EAPP: variants seen among roughly 807,000 people sequenced by gnomAD.
The protein encoded by EAPP is E2F associated phosphoprotein.
A neutral mutation model predicts 34.3 loss-of-function variants in EAPP; 38 were observed. The observed-to-expected ratio is 1.11, with a 90% confidence interval of 0.85 to 1.45. The LOEUF (loss-of-function observed/expected upper bound fraction) is 1.45, where lower values mean the gene tolerates loss of function less well. Ranked by LOEUF, EAPP falls within the 40% of genes most tolerant of loss-of-function variation. The pLI, the probability that EAPP is intolerant of heterozygous loss-of-function variation, is 0.00. For missense variants in EAPP, 338 were observed against 343.7 expected, an observed-to-expected ratio of 0.98 and a Z score of 0.13; for synonymous variants, 113 against 117.6, an observed-to-expected ratio of 0.96 and a Z score of 0.25.
In EAPP at chr14:34,538,210, T is replaced by A. The variant is rs1880538908; in HGVS notation, c.74+1345A>T. 2.0e-5 allele frequency among the ~76,000 whole-genome samples: 3 copies of A among 152,022 alleles called. No individual in the cohort carries two copies. The South Asian group carries it at 6.2e-4, about 32-fold the overall frequency. On this transcript the variant is annotated intron_variant, in intron 1 of 5. Transcript: ENST00000250454. Reference sequence around the variant, plus strand: ...CTGGCCAACGTGGTGAAAACCCATCTCTACGAAAAATACAAAAAATAAGCC... The same window carrying A: ...CTGGCCAACGTGGTGAAAACCCATCACTACGAAAAATACAAAAAATAAGCC...
At chr14:34,533,419 T>C in intron 3 of EAPP, 25 bp downstream of exon 3, 1 of 1,539,360 alleles carries the variant, frequency 6.5e-7, no homozygotes, top group Non-Finnish European at 9.0e-7. Context: ...ATATAACTGC[T>C]AAACCTGGTA....
chr14:34,536,151 C>G lies in EAPP; in HGVS notation c.199G>C (p.Ala67Pro). The change falls in exon 2 of 6, where the codon GCT (alanine) becomes CCT (proline). Residue 67 changes from alanine to proline, a missense_variant. Physicochemically the swap from Ala to Pro is conservative, Grantham distance 27. Coordinates refer to ENST00000250454, the MANE Select transcript of EAPP (RefSeq NM_018453.4). The stretch of plus-strand genomic sequence containing the variant: ...GTTTTCATGGTAGAATTTAATTCAG[C>G]TTCCATCTCCTTTTCAAATTCATCT... Reference protein sequence around the residue: ...SEDEFEKEMEAELNSTMKTME... With the variant: ...SEDEFEKEMEPELNSTMKTME... 8 of 1,612,812 alleles carry G rather than the reference C, an allele frequency of 5.0e-6. No individual in the cohort carries two copies. The highest frequency in any genetic ancestry group is 6.8e-6 in the Non-Finnish European group (8 of 1,179,610).
chr14:34,524,679 G>GTGTGTGTGTGTGTT lies in EAPP; in HGVS notation c.581+17_581+18insAACACACACACACA. 7.1e-7 allele frequency: 1 copy of GTGTGTGTGTGTGTT among 1,410,446 alleles called. No homozygotes were observed. Among genetic ancestry groups the GTGTGTGTGTGTGTT allele is most frequent in the Non-Finnish European group, 1.0e-6 (1 of 993,842 alleles). The allele number at this position is 1,410,446 out of a possible 1,614,324, so 87.4% of individuals were successfully genotyped here. On this transcript the variant is annotated intron_variant, in intron 5 of 5. Coordinates refer to ENST00000250454, the MANE Select transcript of EAPP (RefSeq NM_018453.4). ...TGTATGTGTGTGTGTGTGTGTGTGTGTGTCCTTCATCCATTACCTTTGGCA... is the reference window on the plus strand; with the variant it reads ...TGTATGTGTGTGTGTGTGTGTGTGTGTGTGTGTGTGTGTTTGTCCTTCATCCATTACCTTTGGCA...
At chr14:34,526,336 G>A (rs1880094739) in intron 4 of EAPP, among the ~76,000 whole-genome samples, 1 of 151,760 alleles carries the variant, frequency 6.6e-6, no homozygotes, top group South Asian at 2.1e-4. Flanking sequence ...GGCTGAGGCA[G>A]AGAACTGCTT....
intron 3 of EAPP, 66 bp from the exon 4 acceptor site, chr14:34,529,541 G>A (rs957540047): frequency 1.7e-6 from 2 of 1,143,216 alleles, no homozygotes; most frequent in Non-Finnish European, 2.6e-6. Context: ...TTTAAATGAA[G>A]AGTCTCATTT....
At chr14:34,522,158 C>T (rs1348602696) in intron 5 of EAPP, among the ~76,000 whole-genome samples, 4 of 152,070 alleles carry the variant, frequency 2.6e-5, no homozygotes, top group Non-Finnish European at 4.4e-5. Flanking sequence ...CAGAGTCTTA[C>T]TATGTTGCCC....
rs1442852670 is a variant in EAPP at position 34,516,580 on chromosome 14, T to C, written c.588A>G (p.Glu196=). Reference sequence around the variant, plus strand: ...TTGCTCTATATTGAGTTTTGTATGATTCATGCCTAAGAGAAAAATGAAATG... The same window carrying C: ...TTGCTCTATATTGAGTTTTGTATGACTCATGCCTAAGAGAAAAATGAAATG... ...TTLCLDCQRH[E]SYKTQYRAMF... The change falls in exon 6 of 6, where the codon GAA becomes GAG. Residue 196 remains glutamate, a synonymous_variant. Coordinates refer to ENST00000250454, the MANE Select transcript of EAPP (RefSeq NM_018453.4). 6.2e-7 allele frequency: 1 copy of C among 1,604,646 alleles called. No individual in the cohort carries two copies. The highest frequency in any genetic ancestry group is 8.5e-7 in the Non-Finnish European group (1 of 1,176,496).
chr14:34,526,001 C>T (rs1262272833), intron 4 of EAPP, among the ~76,000 whole-genome samples: 1 of 151,726 alleles, frequency 6.6e-6, no homozygotes, highest in African/African-American at 2.4e-5. Flanking sequence ...GCCTGGGCGA[C>T]AGAGCGAGAC....
rs767435996 is a variant in EAPP at position 34,533,516 on chromosome 14, C to A, written c.280G>T (p.Val94Phe). 1 of 1,593,110 alleles carries A rather than the reference C, an allele frequency of 6.3e-7. No individual in the cohort carries two copies. The highest frequency in any genetic ancestry group is 1.9e-5 in the Admixed American group (1 of 53,890). The change falls in exon 3 of 6, where the codon GTT becomes TTT. Residue 94 changes from valine to phenylalanine, a missense_variant. Val to Phe is a conservative substitution (Grantham distance 50, BLOSUM62 -1). Coordinates refer to ENST00000250454, the MANE Select transcript of EAPP (RefSeq NM_018453.4). ...GTGSSSGNGK[V>F]ATAPTRYYDD... Reference sequence around the variant, plus strand: ...TAGTACCTTGTCGGAGCTGTTGCAACTTTTCCATTTCCTGAGGAAGATCCT... The same window carrying A: ...TAGTACCTTGTCGGAGCTGTTGCAAATTTTCCATTTCCTGAGGAAGATCCT...
chr14:34,528,570 C>G (rs952426683), intron 4 of EAPP, among the ~76,000 whole-genome samples: 1 of 150,830 alleles, frequency 6.6e-6, no homozygotes, highest in Admixed American at 6.6e-5. Flanking sequence ...TACAGGTGTG[C>G]GCCACTATGG....
chr14:34,532,766 C>A (rs1387189086), intron 3 of EAPP, among the ~76,000 whole-genome samples: 4 of 151,478 alleles, frequency 2.6e-5, no homozygotes, highest in East Asian at 2.0e-4. Context: ...CCTCTACCTC[C>A]CTGGTTCAAG....
chr14:34,516,865 G>A (rs1238290551), intron 5 of EAPP, among the ~76,000 whole-genome samples: 1 of 151,994 alleles, frequency 6.6e-6, no homozygotes, highest in Non-Finnish European at 1.5e-5. Flanking sequence ...CACTGCACCA[G>A]GCAGAAGAAA....
Position 34,536,109 on chromosome 14 carries a change from A to T in EAPP, c.241T>A (p.Ser81Thr). 6.2e-7 allele frequency: 1 copy of T among 1,609,872 alleles called. No homozygotes were observed. The highest frequency in any genetic ancestry group is 1.3e-5 in the African/African-American group (1 of 74,832). Residue 81 changes from serine (S) to threonine (T), a missense_variant, in exon 2 of 6, where the codon TCC becomes ACC. Coordinates refer to ENST00000250454, the MANE Select transcript of EAPP (RefSeq NM_018453.4). Reference protein sequence around the residue: ...STMKTMEDKLSSLGTGSSSGN... With the variant: ...STMKTMEDKLTSLGTGSSSGN... ...AAAAGTTTACCAGTTCCCAGAGAGG[A>T]TAACTTGTCCTCCATTGTTTTCATG...
intron 2 of EAPP, among the ~76,000 whole-genome samples, chr14:34,533,987 C>T (rs1002594100): frequency 9.2e-5 from 14 of 152,098 alleles, no homozygotes; most frequent in Admixed American, 9.2e-4. Context: ...ATGACATTAC[C>T]TATACTTATG....
intron 4 of EAPP, among the ~76,000 whole-genome samples, chr14:34,529,043 G>A (rs144933471): frequency 0.038 from 5,779 of 152,154 alleles, 369 homozygotes; most frequent in African/African-American, 0.13. Flanking sequence ...AGCTGAGGCA[G>A]GAGAATCTCT....
rs149149826 is a variant in EAPP, at chr14:34,520,410, A to C, written c.582-3824T>G. On this transcript the variant is annotated intron_variant, in intron 5 of 5. Transcript: ENST00000250454. ...TTTTTAATAGAGACAGAGTTTCACC[A>C]TGTTGGCCAGGCTGGCCTTGAACTC... Among the ~76,000 whole-genome samples the C allele has an allele frequency of 7.1e-3, 1,073 of 151,260 alleles. 11 individuals carry two copies. Among genetic ancestry groups the C allele is most frequent in the African/African-American group, 0.025 (1,021 of 41,148 alleles).
intron 3 of EAPP, among the ~76,000 whole-genome samples, chr14:34,532,185 C>T (rs1287452950): frequency 6.6e-6 from 1 of 150,750 alleles, no homozygotes; most frequent in African/African-American, 2.4e-5. Flanking sequence ...GGCCAGGCCG[C>T]GGTGGCTCAC....
At chr14:34,532,101 A>G (rs1411707722) in intron 3 of EAPP, among the ~76,000 whole-genome samples, 1 of 151,620 alleles carries the variant, frequency 6.6e-6, no homozygotes, top group Non-Finnish European at 1.5e-5. Context: ...GAAAGAAAGA[A>G]AGAAAGAAAA....
At chr14:34,524,851 A>G (rs1378407351) in intron 4 of EAPP, 44 bp from the exon 5 acceptor site, 1 of 1,496,874 alleles carries the variant, frequency 6.7e-7, no homozygotes, top group Non-Finnish European at 9.3e-7. Flanking sequence ...TATTAAAACC[A>G]GATCTTGGTT....
Sources: gnomAD v4.1 joint callset for allele counts (sites outside exome capture counted in the v4.1 genomes callset) on GRCh38, gnomAD v4.1.1 for gene constraint, MANE v1.5 for transcripts, NCBI Gene and HGNC (gene_info 2026-07-23, HGNC 2026-07-21) for gene names.